Variants in USP37 observed in about 807,000 individuals in gnomAD.
USP37 encodes ubiquitin specific peptidase 37.
A neutral mutation model predicts 124.0 loss-of-function variants in USP37; 27 were observed. The ratio of observed to expected loss-of-function variants is 0.22; its 90% CI spans 0.16 to 0.30. The LOEUF (loss-of-function observed/expected upper bound fraction) is 0.30. Ranked by LOEUF, USP37 falls within the 10% of genes least tolerant of loss-of-function variation. The probability of loss-of-function intolerance (pLI) is 1.00; values close to 1 mark genes in which losing one functional copy is unlikely to be tolerated. For missense variants in USP37, 889 were observed against 1,140.4 expected (o/e 0.78, Z 3.17); for synonymous variants, 365 against 388.0 (o/e 0.94, Z 0.70).
At chr2:218,469,440 G>A (rs1690549998) in intron 20 of USP37, among the ~76,000 whole-genome samples, 1 of 152,180 alleles carries the variant, frequency 6.6e-6, no homozygotes, top group African/African-American at 2.4e-5. Flanking sequence ...AGCATTTCAA[G>A]TGGAAGGAAG....
intron 10 of USP37, among the ~76,000 whole-genome samples, chr2:218,522,488 A>G (rs1227393628): frequency 6.7e-6 from 1 of 149,154 alleles, no homozygotes. Flanking sequence ...GCTTGAGCCC[A>G]GAAGTTAGAG....
At chr2:218,534,167 A>C (rs1238738507) in intron 9 of USP37, among the ~76,000 whole-genome samples, 1 of 152,234 alleles carries the variant, frequency 6.6e-6, no homozygotes, top group Admixed American at 6.5e-5. Flanking sequence ...TTAGCCAAGT[A>C]CTGGGTACAA....
chr2:218,483,604 A>G (rs1283756935), intron 16 of USP37, among the ~76,000 whole-genome samples: 1 of 151,822 alleles, frequency 6.6e-6, no homozygotes, highest in African/African-American at 2.4e-5. Flanking sequence ...AAAAAAAAAA[A>G]AAAGAAAAAA....
At position 218,451,845 on chromosome 2, in the gene USP37, C is replaced by A. The variant is rs774809983; in HGVS notation, c.*3085G>T. 6.6e-6 allele frequency: 1 copy of A among 152,524 alleles called. No homozygotes were observed. The highest frequency in any genetic ancestry group is 1.9e-4 in the East Asian group (1 of 5,194). The allele number at this position is 152,524 out of a possible 1,614,324, so 9.4% of individuals were successfully genotyped here. On this transcript the variant is annotated 3_prime_UTR_variant, in exon 26 of 26. Transcript: ENST00000258399. ...GTTATTGAGCCTTTAAGGTTAGGCC[C>A]AGAATGAACAGACCATAGCAAGTAA... is the stretch of plus-strand genomic sequence containing the variant.
chr2:218,521,375 T>C (rs1396168346), intron 10 of USP37, among the ~76,000 whole-genome samples: 1 of 152,206 alleles, frequency 6.6e-6, no homozygotes, highest in East Asian at 1.9e-4. Context: ...GTACAGAATG[T>C]ACAGGTTTGT....
chr2:218,540,865 T>C (rs528899363), intron 8 of USP37, among the ~76,000 whole-genome samples: 1 of 152,246 alleles, frequency 6.6e-6, no homozygotes, highest in African/African-American at 2.4e-5. Flanking sequence ...ACATAGTATC[T>C]TAGAACAAGG....
intron 6 of USP37, among the ~76,000 whole-genome samples, chr2:218,549,571 TCTC>T (rs1367295208): frequency 6.6e-6 from 1 of 151,760 alleles, no homozygotes; most frequent in African/African-American, 2.4e-5. Context: ...TTCAAGCAAT[TCTC>T]CTGCCTCGGC....
chr2:218,547,101 T>C lies in USP37; in HGVS notation c.430-10A>G. ...CTCTTTTTGCAGAAGCCTGTAAAAA[T>C]AAAGTTTGAGATAGTTAAATCTTCA... is the stretch of plus-strand genomic sequence containing the variant. On this transcript the variant is annotated splice_polypyrimidine_tract_variant and intron_variant, in intron 6 of 25. Transcript: ENST00000258399. 6.3e-7 allele frequency: 1 copy of C among 1,586,592 alleles called. No individual in the cohort carries two copies. Among genetic ancestry groups the C allele is most frequent in the Non-Finnish European group, 8.5e-7 (1 of 1,172,648 alleles).
At position 218,468,987 on chromosome 2, in the gene USP37, G is replaced by A. The variant is rs149641366; in HGVS notation, c.2300-2811C>T. Among the ~76,000 whole-genome samples, 70 of 152,220 alleles carry A rather than the reference G, an allele frequency of 4.6e-4. 1 individual carries two copies. The East Asian group carries it at 0.012, about 26-fold the overall frequency. On this transcript the variant is annotated intron_variant, in intron 20 of 25. Coordinates refer to ENST00000258399, the MANE Select transcript of USP37 (RefSeq NM_020935.3). ...GGATTATAGGTGTGAGCCACACTGC[G>A]CCCGGCTCCTAATACTGTATTTCTC...
intron 15 of USP37, among the ~76,000 whole-genome samples, chr2:218,487,905 C>T (rs1057340871): frequency 6.6e-6 from 1 of 151,450 alleles, no homozygotes; most frequent in African/African-American, 2.4e-5. Flanking sequence ...CTGCCAAAAC[C>T]AGGTGTGGTG....
At chr2:218,476,081 A>G (rs1338922002) in intron 19 of USP37, among the ~76,000 whole-genome samples, 3 of 152,214 alleles carry the variant, frequency 2.0e-5, no homozygotes, top group Admixed American at 2.0e-4. Flanking sequence ...AAATAATTCT[A>G]TTATTTAAAA....
chr2:218,458,253 TAAAAAAAAA>T (rs33911503), intron 23 of USP37, among the ~76,000 whole-genome samples: 1 of 70,934 alleles, frequency 1.4e-5, no homozygotes, highest in African/African-American at 5.8e-5. Flanking sequence ...AGACCTTGCC[TAAAAAAAAA>T]AAAAAAAAAA....
At chr2:218,477,133 C>T (rs976502219) in intron 18 of USP37, 152 bp from the exon 19 acceptor site, 36 of 891,858 alleles carry the variant, frequency 4.0e-5, no homozygotes, top group Non-Finnish European at 5.4e-5. Flanking sequence ...TCAGCATTAC[C>T]TTTGCCCCAC....
At chr2:218,499,231 G>A (rs12998796) in intron 11 of USP37, among the ~76,000 whole-genome samples, 6,112 of 152,002 alleles carry the variant, frequency 0.04, 161 homozygotes, top group East Asian at 0.12. Context: ...CTGAGATCAC[G>A]CCACTGCACT....
chr2:218,486,090 T>C (rs770536378), intron 15 of USP37: 11 of 193,300 alleles, frequency 5.7e-5, no homozygotes, highest in Non-Finnish European at 1.0e-4. Context: ...GATTTTACCA[T>C]ATGGCCATAG....
chr2:218,512,877 T>C (rs1690077246), intron 10 of USP37, among the ~76,000 whole-genome samples: 1 of 152,224 alleles, frequency 6.6e-6, no homozygotes, highest in African/African-American at 2.4e-5. Context: ...GTGTATACTT[T>C]AACTGGAATA....
At chr2:218,463,247 T>G in intron 22 of USP37, 59 bp downstream of exon 22, 2 of 1,402,350 alleles carry the variant, frequency 1.4e-6, no homozygotes, top group Non-Finnish European at 2.0e-6. Context: ...TTATATGTTC[T>G]TCTATGTGTG....
At chr2:218,484,725 G>T (rs938156847) in intron 16 of USP37, among the ~76,000 whole-genome samples, 1 of 151,574 alleles carries the variant, frequency 6.6e-6, no homozygotes, top group Non-Finnish European at 1.5e-5. Flanking sequence ...TAGTCTCTAG[G>T]GGCTAGGTTC....
chr2:218,489,357 C>CAAAAA (rs35890265), intron 14 of USP37, among the ~76,000 whole-genome samples: 1 of 123,594 alleles, frequency 8.1e-6, no homozygotes, highest in Non-Finnish European at 1.7e-5. Context: ...GACTCTGTCT[C>CAAAAA]AAAAAAAAAA....
Sources: allele counts gnomAD v4.1 joint callset (sites outside exome capture counted in the v4.1 genomes callset), GRCh38; gene constraint gnomAD v4.1.1; transcripts MANE v1.5; gene names NCBI Gene and HGNC (gene_info 2026-07-23, HGNC 2026-07-21).